The following PCSK6 variants were observed in gnomAD, a reference collection of about 807,000 sequenced individuals.
PCSK6 encodes proprotein convertase subtilisin/kexin type 6.
Under a neutral mutation model 123.3 loss-of-function variants are expected in PCSK6, and 85 were observed. That is an observed-to-expected ratio of 0.69 (90% CI 0.58 to 0.83). The LOEUF is 0.83. PCSK6 is among the 40% of genes least tolerant of loss of function. PCSK6 has a pLI of 0.00. For missense variants in PCSK6, 1,191 were observed against 1,282.3 expected (o/e 0.93, Z 1.09); for synonymous variants, 508 against 516.0 (o/e 0.98, Z 0.21).
intron 2 of PCSK6, among the ~76,000 whole-genome samples, chr15:101,443,335 G>A (rs2056804229): frequency 6.6e-6 from 1 of 152,190 alleles, no homozygotes; most frequent in Non-Finnish European, 1.5e-5. Flanking sequence ...TGTATCTCCT[G>A]TGAGTATTGT....
At chr15:101,371,743 C>A (rs1265554962) in intron 11 of PCSK6, among the ~76,000 whole-genome samples, 1 of 152,236 alleles carries the variant, frequency 6.6e-6, no homozygotes, top group Non-Finnish European at 1.5e-5. Context: ...GGCCTCGCTG[C>A]CTCGAATGGA....
chr15:101,394,740 AC>A lies in PCSK6; in HGVS notation c.997-1317del, dbSNP rs375375993. Among the ~76,000 whole-genome samples, 27 of 152,222 alleles carry A rather than the reference AC, an allele frequency of 1.8e-4. No individual in the cohort carries two copies. The East Asian group carries it at 4.1e-3, about 23-fold the overall frequency. On this transcript the variant is annotated intron_variant, in intron 7 of 21. Transcript: ENST00000611716. ...CTCACTTTTGGAGCACAATGAGTGG[AC>A]CCGCCTGCTCTGTACGCTCACACCA...
Position 101,313,466 on chromosome 15 carries a change from A to T in PCSK6, c.2609T>A (p.Phe870Tyr). The T allele has an allele frequency of 3.1e-6, 5 of 1,610,668 alleles. No individual in the cohort carries two copies. Among genetic ancestry groups the T allele is most frequent in the Non-Finnish European group, 4.2e-6 (5 of 1,179,704 alleles). Reference protein sequence around the residue: ...REECIHCAKNFHFHDWKCVPA... With the variant: ...REECIHCAKNYHFHDWKCVPA... ...CACACACTTCCAGTCGTGGAAGTGGAAGTTTTTCGCACAGTGAATGCACTC... is the reference window on the plus strand; with the variant it reads ...CACACACTTCCAGTCGTGGAAGTGGTAGTTTTTCGCACAGTGAATGCACTC... The change falls in exon 20 of 22, where the codon TTC becomes TAC. Residue 870 changes from phenylalanine to tyrosine, a missense_variant. Coordinates refer to ENST00000611716, the MANE Select transcript of PCSK6 (RefSeq NM_002570.5).
chr15:101,480,574 T>G (rs941362135), intron 1 of PCSK6, among the ~76,000 whole-genome samples: 1 of 152,198 alleles, frequency 6.6e-6, no homozygotes, highest in African/African-American at 2.4e-5. Flanking sequence ...CAGGGGGCCT[T>G]GCGCCTGCTG....
chr15:101,475,705 G>A (rs1344320103), intron 1 of PCSK6, among the ~76,000 whole-genome samples: 1 of 141,470 alleles, frequency 7.1e-6, no homozygotes. Flanking sequence ...TGCCCAGGCT[G>A]GTCTCGAACT....
chr15:101,376,042 A>T (rs1469698088), intron 11 of PCSK6, among the ~76,000 whole-genome samples: 1 of 152,224 alleles, frequency 6.6e-6, no homozygotes. Flanking sequence ...TCAAATAAAA[A>T]CAAGTGTCTG....
At chr15:101,379,951 G>A (rs144803408) in intron 11 of PCSK6, among the ~76,000 whole-genome samples, 6 of 152,144 alleles carry the variant, frequency 3.9e-5, no homozygotes, top group African/African-American at 7.2e-5. Context: ...CTGGAGGCCC[G>A]TATGTCCTCT....
chr15:101,447,671 C>A (rs1395251060), intron 1 of PCSK6, among the ~76,000 whole-genome samples: 1 of 152,216 alleles, frequency 6.6e-6, no homozygotes, highest in African/African-American at 2.4e-5. Context: ...AAGTGAGGTT[C>A]TTTTTTTATG....
At chr15:101,338,839 A>G (rs1044104171) in intron 13 of PCSK6, among the ~76,000 whole-genome samples, 9 of 152,236 alleles carry the variant, frequency 5.9e-5, no homozygotes, top group Admixed American at 4.6e-4. Context: ...CCAGATGTCA[A>G]CAATGAAGGC....
chr15:101,427,908 G>C lies in PCSK6; in HGVS notation c.807C>G (p.Tyr269Ter). The C allele has an allele frequency of 6.3e-7, 1 of 1,580,734 alleles. No individual in the cohort carries two copies. Among genetic ancestry groups the C allele is most frequent in the Non-Finnish European group, 8.6e-7 (1 of 1,162,948 alleles). The change falls in exon 6 of 22, where the codon TAC (tyrosine) becomes TAG (stop). Residue 269 changes from tyrosine (Y) to a stop codon, truncating the protein, a stop_gained. Coordinates refer to ENST00000611716, the MANE Select transcript of PCSK6 (RefSeq NM_002570.5). LOFTEE classifies it high-confidence loss of function. Reference sequence around the variant, plus strand: ...CGGCCTTACCTCCTATTTTGGCATTGTACGCTATGCCCACGATGCAGTAGG... The same window carrying C: ...CGGCCTTACCTCCTATTTTGGCATTCTACGCTATGCCCACGATGCAGTAGG... ...NNSYCIVGIAYNAKIGGIRML... is the reference protein window; with the variant it reads ...NNSYCIVGIA
chr15:101,360,598 C>T lies in PCSK6; in HGVS notation c.1858+5598G>A, dbSNP rs1442879323. Among the ~76,000 whole-genome samples, 2 of 113,862 alleles carry T rather than the reference C, an allele frequency of 1.8e-5. 1 individual carries two copies. The allele number at this position is 113,862 out of a possible 152,430, so 74.7% of individuals were successfully genotyped here. On this transcript the variant is annotated intron_variant, in intron 13 of 21. Transcript: ENST00000611716. ...CACTCCTGCCCGGGGGCCTTAGCAT[C>T]CCCTGGAACACACCAGGCACACTCC...
intron 12 of PCSK6, 52 bp downstream of exon 12, chr15:101,370,283 A>T: frequency 7.1e-7 from 1 of 1,402,274 alleles, no homozygotes. Flanking sequence ...GCTCTTGTGC[A>T]GGGTCAATCT....
At chr15:101,347,717 C>T (rs1482543785) in intron 13 of PCSK6, 3 of 1,613,688 alleles carry the variant, frequency 1.9e-6, no homozygotes, top group Admixed American at 1.7e-5. Flanking sequence ...CAGTATTTCA[C>T]AGAGATTACC....
intron 1 of PCSK6, among the ~76,000 whole-genome samples, chr15:101,451,537 A>G (rs2057034796): frequency 6.6e-6 from 1 of 152,030 alleles, no homozygotes; most frequent in Non-Finnish European, 1.5e-5. Flanking sequence ...AATGGACTGC[A>G]GATGAGGCTT....
chr15:101,320,066 A>G (rs981496795), intron 18 of PCSK6, among the ~76,000 whole-genome samples: 1 of 151,228 alleles, frequency 6.6e-6, no homozygotes, highest in Non-Finnish European at 1.5e-5. Flanking sequence ...GTAGCGTCAG[A>G]ATTGAGCTAT....
chr15:101,376,765 G>A (rs2041756407), intron 11 of PCSK6, among the ~76,000 whole-genome samples: 1 of 152,246 alleles, frequency 6.6e-6, no homozygotes, highest in East Asian at 1.9e-4. Context: ...GCAGCTACAA[G>A]GGGTAGCAGC....
intron 1 of PCSK6, among the ~76,000 whole-genome samples, chr15:101,472,893 C>G (rs1278937177): frequency 6.6e-6 from 1 of 152,104 alleles, no homozygotes; most frequent in African/African-American, 2.4e-5. Flanking sequence ...GTGGAAAGAT[C>G]CTCTGGTTAG....
intron 12 of PCSK6, among the ~76,000 whole-genome samples, chr15:101,369,905 G>A (rs1450289745): frequency 4.6e-5 from 7 of 152,220 alleles, no homozygotes; most frequent in African/African-American, 9.6e-5. Context: ...GGCAGCCCAC[G>A]ACTGGGTGGG....
Position 101,305,100 on chromosome 15 carries a change from AC to A in PCSK6, c.*157del. ...TAGGAACACCTCCTTAAGAGCCACCACCCACCTGGCTTGGGTGCTCAGAGAT... is the reference window on the plus strand; with the variant it reads ...TAGGAACACCTCCTTAAGAGCCACCACCACCTGGCTTGGGTGCTCAGAGAT... On this transcript the variant is annotated 3_prime_UTR_variant, in exon 22 of 22. Coordinates refer to ENST00000611716, the MANE Select transcript of PCSK6 (RefSeq NM_002570.5). This position sits in a 1 kb window ranked among gnomAD's most constrained non-coding sequence, Gnocchi z 4.8. 3.2e-6 allele frequency: 2 copies of A among 618,764 alleles called. No individual in the cohort carries two copies. The highest frequency in any genetic ancestry group is 3.9e-5 in the South Asian group (2 of 51,630). 38.3% of individuals were successfully genotyped at this position (618,764 alleles called of 1,614,324 possible).
Sources: gnomAD v4.1 joint callset for allele counts (sites outside exome capture counted in the v4.1 genomes callset) on GRCh38, gnomAD v4.1.1 for gene constraint, Gnocchi (gnomAD v3.1) non-coding constraint, MANE v1.5 for transcripts, NCBI Gene and HGNC (gene_info 2026-07-23, HGNC 2026-07-21) for gene names.